Variants in MYH15 observed in about 807,000 individuals in gnomAD.
MYH15 encodes myosin-15.
In MYH15, 227 loss-of-function variants were observed where a neutral mutation model predicts 240.5. The ratio of observed to expected loss-of-function variants is 0.94; its 90% confidence interval spans 0.85 to 1.05. The LOEUF (loss-of-function observed/expected upper bound fraction) is 1.05. Ranked by LOEUF, MYH15 falls within the 50% of genes least tolerant of loss-of-function variation. MYH15 has a pLI of 0.00. For synonymous variants in MYH15, 785 were observed against 796.7 expected (o/e 0.99, Z 0.25); for missense variants, 2,217 against 2,247.5 (o/e 0.99, Z 0.27).
intron 30 of MYH15, among the ~76,000 whole-genome samples, chr3:108,412,863 GT>G (rs1270578036): frequency 6.6e-6 from 1 of 152,158 alleles, no homozygotes; most frequent in Non-Finnish European, 1.5e-5. Flanking sequence ...ACCCTAGATT[GT>G]TTTGTAGCTG....
the MYH15 span, among the ~76,000 whole-genome samples, chr3:108,536,882 T>A: frequency 1.3e-5 from 2 of 152,206 alleles, no homozygotes; most frequent in Non-Finnish European, 2.9e-5. Flanking sequence ...GAACACAGCA[T>A]CCTGGTGACA....
chr3:108,486,368 C>G lies in MYH15; in HGVS notation c.975+55G>C, dbSNP rs374328183. 1,004 of 1,426,546 alleles carry G rather than the reference C, an allele frequency of 7.0e-4. 16 individuals carry two copies. The South Asian group carries it at 0.012, about 16-fold the overall frequency. 88.4% of individuals were successfully genotyped at this position (1,426,546 alleles called of 1,614,324 possible). On this transcript the variant is annotated intron_variant, in intron 10 of 40. Transcript: ENST00000693548. ...TAAGAACAGAACTCTAAGATTCTGT[C>G]TTTCATTTCTCATTGCCATTACCAG...
chr3:108,475,294 A>AG (rs554586660), intron 12 of MYH15, among the ~76,000 whole-genome samples: 5 of 152,254 alleles, frequency 3.3e-5, no homozygotes, highest in African/African-American at 1.2e-4. Context: ...TTCCTCAACT[A>AG]GGAAAAACAT....
chr3:108,484,888 T>C (rs545597220), intron 11 of MYH15, among the ~76,000 whole-genome samples: 2 of 152,292 alleles, frequency 1.3e-5, no homozygotes, highest in East Asian at 3.9e-4. Context: ...TCATCAATAA[T>C]TATTGAGGAG....
chr3:108,540,514 T>G, the MYH15 span, among the ~76,000 whole-genome samples: 1 of 152,168 alleles, frequency 6.6e-6, no homozygotes, highest in African/African-American at 2.4e-5. Context: ...CTATAACGAC[T>G]GATATGATAC....
intron 22 of MYH15, 131 bp from the exon 23 acceptor site, chr3:108,441,391 A>C: frequency 1.0e-6 from 1 of 988,718 alleles, no homozygotes; most frequent in Non-Finnish European, 1.5e-6. Flanking sequence ...ACCTTTCCTA[A>C]ACAGCTGCAA....
At chr3:108,434,188 T>TA (rs2107563875) in intron 25 of MYH15, among the ~76,000 whole-genome samples, 1 of 102,680 alleles carries the variant, frequency 9.7e-6, no homozygotes, top group South Asian at 4.5e-4. Context: ...GAATTGAGAA[T>TA]GGTTTTTTTT....
At chr3:108,433,491 T>C (rs2082798399) in intron 25 of MYH15, among the ~76,000 whole-genome samples, 1 of 152,104 alleles carries the variant, frequency 6.6e-6, no homozygotes. Flanking sequence ...ACATGAGATT[T>C]GAGAGGGGCC....
chr3:108,453,279 G>A (rs1422650518), intron 21 of MYH15, among the ~76,000 whole-genome samples: 1 of 152,090 alleles, frequency 6.6e-6, no homozygotes, highest in Non-Finnish European at 1.5e-5. Context: ...TAATATCTTT[G>A]ACATCACCAT....
At chr3:108,427,659 G>A (rs1403971691) in intron 27 of MYH15, among the ~76,000 whole-genome samples, 26 of 149,916 alleles carry the variant, frequency 1.7e-4, no homozygotes, top group African/African-American at 6.5e-4. Context: ...GAGAGAGAAA[G>A]AGAGAGAGAG....
chr3:108,463,024 G>C, intron 16 of MYH15, 87 bp downstream of exon 16: 2 of 1,448,010 alleles, frequency 1.4e-6, no homozygotes, highest in Non-Finnish European at 1.9e-6. Context: ...ACATATCACA[G>C]GAAAGAAGCA....
rs2082343022 is a variant in MYH15 at position 108,381,478 on chromosome 3, G to A, written c.*67C>T. On this transcript the variant is annotated 3_prime_UTR_variant, in exon 41 of 41. Coordinates refer to ENST00000693548, the MANE Select transcript of MYH15 (RefSeq NM_014981.3). ...TTAAAAATGTTTCCATGCAACCTAA[G>A]TTTTTGGCCATGAAACAGCACCTTC... 2 of 1,561,714 alleles carry A rather than the reference G, an allele frequency of 1.3e-6. No individual in the cohort carries two copies. The highest frequency in any genetic ancestry group is 8.8e-7 in the Non-Finnish European group (1 of 1,132,804).
chr3:108,436,149 G>A (rs770284748), intron 25 of MYH15, among the ~76,000 whole-genome samples: 30 of 152,010 alleles, frequency 2.0e-4, no homozygotes, highest in Non-Finnish European at 3.8e-4. Context: ...GTCTATTTAG[G>A]GGAAAAGTTT....
At chr3:108,543,830 T>C in the MYH15 span, 1 of 152,334 alleles carries the variant, frequency 6.6e-6, no homozygotes, top group East Asian at 1.9e-4. Context: ...TGCCACTTCT[T>C]GTGGAAGTGA....
intron 1 of MYH15, among the ~76,000 whole-genome samples, chr3:108,509,359 A>G (rs1201569398): frequency 6.6e-6 from 1 of 152,036 alleles, no homozygotes; most frequent in Non-Finnish European, 1.5e-5. Flanking sequence ...TGGCATCACT[A>G]TTATCTTGTC....
chr3:108,466,862 A>G (rs780943267), intron 14 of MYH15, among the ~76,000 whole-genome samples: 2 of 152,186 alleles, frequency 1.3e-5, no homozygotes, highest in African/African-American at 2.4e-5. Flanking sequence ...GTTGGATGTC[A>G]TATGTTCAGC....
Position 108,441,062 on chromosome 3 carries a change from T to C in MYH15, c.2854A>G (p.Met952Val), listed in dbSNP as rs1284405027. 5.0e-6 allele frequency: 8 copies of C among 1,614,074 alleles called. No homozygotes were observed. In the East Asian group the frequency reaches 1.8e-4, roughly 36 times the overall value. The part of the protein sequence containing the change: ...LKKEIDDLET[M>V]LVKSEKEKRT... ...TTCTCCTTCTCTGACTTCACCAACA[T>C]TGTTTCCAGGTCATCGATTTCTTTC... The change falls in exon 23 of 41, where the codon ATG becomes GTG. Residue 952 changes from methionine to valine, a missense_variant. Coordinates refer to ENST00000693548, the MANE Select transcript of MYH15 (RefSeq NM_014981.3).
Position 108,391,770 on chromosome 3 carries a change from A to G in MYH15, c.5420T>C (p.Leu1807Pro). Residue 1807 changes from leucine (L) to proline (P), a missense_variant, in exon 37 of 41, where the codon CTA (leucine) becomes CCA (proline). Transcript: ENST00000693548. ...TACCCAGACTCCTACCCTGGATTCT[A>G]GTTTCTGGATTTGCTTTCTACTCCC... ...LMGSRKQIQK[L>P]ESRVRELEGE... 6.2e-7 allele frequency: 1 copy of G among 1,613,488 alleles called. No homozygotes were observed. The highest frequency in any genetic ancestry group is 8.5e-7 in the Non-Finnish European group (1 of 1,179,804).
chr3:108,436,622 T>A (rs2082839298), intron 25 of MYH15, among the ~76,000 whole-genome samples: 1 of 152,164 alleles, frequency 6.6e-6, no homozygotes, highest in African/African-American at 2.4e-5. Flanking sequence ...CACTGCAACC[T>A]CCGACTCCTG....
Sources: allele counts gnomAD v4.1 joint callset (sites outside exome capture counted in the v4.1 genomes callset), GRCh38; gene constraint gnomAD v4.1.1; transcripts MANE v1.5; gene names NCBI Gene and HGNC (gene_info 2026-07-23, HGNC 2026-07-21).